The following JCHAIN variants were observed in gnomAD, a reference collection of about 807,000 sequenced individuals.
JCHAIN encodes immunoglobulin J chain.
JCHAIN carries 5 observed loss-of-function variants against 11.1 expected under a neutral mutation model. That is an observed-to-expected ratio of 0.45 (90% confidence interval 0.24 to 0.95). JCHAIN has a LOEUF of 0.95. Ranked by LOEUF, JCHAIN falls within the 40% of genes least tolerant of loss-of-function variation. JCHAIN has a pLI of 0.21. For missense variants in JCHAIN, 165 were observed against 192.7 expected, an observed-to-expected ratio of 0.86 and a Z score of 0.85; for synonymous variants, 51 against 67.8, an observed-to-expected ratio of 0.75 and a Z score of 1.22.
At chr4:70,656,617 C>T in intron 3 of JCHAIN, 78 bp from the exon 4 acceptor site, 1 of 1,059,572 alleles carries the variant, frequency 9.4e-7, no homozygotes, top group Non-Finnish European at 1.4e-6. Flanking sequence ...AATCCAAAAT[C>T]AATTAGTTCT....
In JCHAIN at chr4:70,666,448, T is replaced by C; in HGVS notation, c.43A>G (p.Ile15Val). The change falls in exon 1 of 4, where the codon ATT becomes GTT. Residue 15 changes from isoleucine to valine, a missense_variant. Transcript: ENST00000254801. The part of the protein sequence containing the change: ...LLFWGVLAVF[I>V]KAVHVKAQED... ...ATACCTTTCACATGAACAGCCTTAATAAAAACCGCCAGGACTCCCCAGAAA... is the reference window on the plus strand; with the variant it reads ...ATACCTTTCACATGAACAGCCTTAACAAAAACCGCCAGGACTCCCCAGAAA... 1 of 1,612,738 alleles carries C rather than the reference T, an allele frequency of 6.2e-7. No homozygotes were observed. Among genetic ancestry groups the C allele is most frequent in the Non-Finnish European group, 8.5e-7 (1 of 1,178,838 alleles).
chr4:70,661,710 TCGAGGCTG>T (rs1434308443), intron 2 of JCHAIN, among the ~76,000 whole-genome samples: 1 of 152,198 alleles, frequency 6.6e-6, no homozygotes, highest in Non-Finnish European at 1.5e-5. Flanking sequence ...GCCTGGGAGT[TCGAGGCTG>T]CAGTAAGCAG....
At chr4:70,656,575 A>C (rs1181044041) in intron 3 of JCHAIN, 36 bp from the exon 4 acceptor site, 3 of 1,487,118 alleles carry the variant, frequency 2.0e-6, no homozygotes, top group Non-Finnish European at 2.8e-6. Flanking sequence ...CAATCCCCTC[A>C]AATGCTGTCT....
intron 1 of JCHAIN, among the ~76,000 whole-genome samples, chr4:70,665,637 G>A (rs1739136771): frequency 1.3e-5 from 2 of 151,718 alleles, no homozygotes; most frequent in South Asian, 4.2e-4. Flanking sequence ...TTTTAGATAT[G>A]TATATATACT....
rs114591023 is a variant in JCHAIN at position 70,663,077 on chromosome 4, C to T, written c.65-862G>A. On this transcript the variant is annotated intron_variant, in intron 1 of 3. Coordinates refer to ENST00000254801, the MANE Select transcript of JCHAIN (RefSeq NM_144646.4). ...GAGGTACAATCTCAATTGAATATGCCTGTATACAGAAAAAAAAATGAATAA... is the reference window on the plus strand; with the variant it reads ...GAGGTACAATCTCAATTGAATATGCTTGTATACAGAAAAAAAAATGAATAA... Among the ~76,000 whole-genome samples the T allele has an allele frequency of 9.2e-3, 1,401 of 151,994 alleles. 15 individuals are homozygous for T. Among genetic ancestry groups the T allele is most frequent in the African/African-American group, 0.031 (1,292 of 41,450 alleles).
chr4:70,662,069 A>G, intron 2 of JCHAIN, 23 bp downstream of exon 2: 1 of 1,611,356 alleles, frequency 6.2e-7, no homozygotes, highest in Non-Finnish European at 8.5e-7. Context: ...ACAGGAAAAA[A>G]AGGAATATGG....
chr4:70,665,905 TC>T, intron 1 of JCHAIN: 1 of 327,580 alleles, frequency 3.1e-6, no homozygotes. Flanking sequence ...GTTTGAAAGA[TC>T]AGTAAACAAA....
chr4:70,662,071 G>T (rs1477743823), intron 2 of JCHAIN, 21 bp downstream of exon 2: 2 of 1,611,286 alleles, frequency 1.2e-6, no homozygotes. Flanking sequence ...AGGAAAAAAA[G>T]GAATATGGAA....
chr4:70,663,406 G>A (rs1313221535), intron 1 of JCHAIN: 1 of 152,168 alleles, frequency 6.6e-6, no homozygotes, highest in Admixed American at 6.6e-5. Flanking sequence ...ATGTTGCCCA[G>A]GCTGGTCTTA....
At position 70,666,484 on chromosome 4, in the gene JCHAIN, T is replaced by C; in HGVS notation, c.7A>G (p.Asn3Asp). 1 of 1,612,582 alleles carries C rather than the reference T, an allele frequency of 6.2e-7. No homozygotes were observed. Among genetic ancestry groups the C allele is most frequent in the Non-Finnish European group, 8.5e-7 (1 of 1,178,704 alleles). Residue 3 changes from asparagine (N) to aspartate (D), a missense_variant, in exon 1 of 4, where the codon AAC becomes GAC. Physicochemically the swap from Asn to Asp is conservative, Grantham distance 23. Coordinates refer to ENST00000254801, the MANE Select transcript of JCHAIN (RefSeq NM_144646.4). MK[N>D]HLLFWGVLAV... is the part of the protein sequence containing the mutation. ...AGGACTCCCCAGAAAAGCAAATGGT[T>C]CTTCATCTTGACTTCACTTCTTCTG...
chr4:70,658,817 C>A (rs904922472), intron 2 of JCHAIN, among the ~76,000 whole-genome samples: 2 of 152,200 alleles, frequency 1.3e-5, no homozygotes, highest in Non-Finnish European at 2.9e-5. Context: ...CTCCTCAGTA[C>A]TCCTATAACA....
chr4:70,659,245 T>C (rs561665467), intron 2 of JCHAIN, among the ~76,000 whole-genome samples: 4 of 151,824 alleles, frequency 2.6e-5, no homozygotes, highest in Non-Finnish European at 4.4e-5. Context: ...AGTAATGGAG[T>C]TGGGAATAAT....
chr4:70,661,701 C>T (rs963647665), intron 2 of JCHAIN, among the ~76,000 whole-genome samples: 1 of 152,074 alleles, frequency 6.6e-6, no homozygotes, highest in East Asian at 1.9e-4. Context: ...ATCACTTGAG[C>T]CTGGGAGTTC....
intron 2 of JCHAIN, among the ~76,000 whole-genome samples, chr4:70,660,419 C>G (rs930265226): frequency 6.9e-6 from 1 of 145,210 alleles, no homozygotes; most frequent in African/African-American, 2.5e-5. Context: ...TCGCTCTTGT[C>G]CCCCAGGCTG....
intron 1 of JCHAIN, among the ~76,000 whole-genome samples, chr4:70,664,383 C>A (rs545869785): frequency 6.6e-6 from 1 of 151,562 alleles, no homozygotes; most frequent in Non-Finnish European, 1.5e-5. Flanking sequence ...TTTAAATGAT[C>A]AGAATAGTTA....
chr4:70,666,360 A>G, intron 1 of JCHAIN, 67 bp downstream of exon 1: 1 of 1,176,716 alleles, frequency 8.5e-7, no homozygotes, highest in Admixed American at 1.9e-5. Context: ...TAAATGTTTA[A>G]AACTGAAAAA....
chr4:70,657,089 C>T (rs1738964219), intron 3 of JCHAIN, 122 bp downstream of exon 3: 13 of 511,836 alleles, frequency 2.5e-5, no homozygotes, highest in Middle Eastern at 4.5e-4. Context: ...TTCAAAAGTT[C>T]AGATTATGTT....
intron 1 of JCHAIN, among the ~76,000 whole-genome samples, chr4:70,662,495 A>AT (rs141287866): frequency 0.21 from 32,435 of 151,798 alleles, 8,786 homozygotes; most frequent in African/African-American, 0.64. Context: ...TTGTACTTAA[A>AT]TTTTTTTTGT....
intron 2 of JCHAIN, among the ~76,000 whole-genome samples, chr4:70,659,733 G>A (rs542879787): frequency 6.6e-6 from 1 of 151,628 alleles, no homozygotes; most frequent in South Asian, 2.1e-4. Context: ...GGGCATGGTG[G>A]TGCGTGCCTG....
Sources: allele counts gnomAD v4.1 joint callset (sites outside exome capture counted in the v4.1 genomes callset), GRCh38; gene constraint gnomAD v4.1.1; transcripts MANE v1.5; gene names NCBI Gene and HGNC (gene_info 2026-07-23, HGNC 2026-07-21).